GRID2: variants seen among roughly 807,000 people sequenced by gnomAD.
GRID2 encodes glutamate receptor ionotropic, delta-2.
GRID2 carries 33 observed loss-of-function variants against 114.8 expected under a neutral mutation model. That is an observed-to-expected ratio of 0.29 (90% CI 0.22 to 0.38). The LOEUF (loss-of-function observed/expected upper bound fraction) is 0.38, where lower values mean the gene tolerates loss of function less well. Ranked by LOEUF, GRID2 falls within the 10% of genes least tolerant of loss-of-function variation. The pLI, the probability that GRID2 is intolerant of heterozygous loss-of-function variation, is 1.00. For missense variants in GRID2, 1,184 were observed against 1,257.7 expected (o/e 0.94, Z 0.89); for synonymous variants, 505 against 449.9 (o/e 1.12, Z -1.55).
At chr4:93,683,504 T>C (rs537383479) in intron 14 of GRID2, among the ~76,000 whole-genome samples, 75 of 152,188 alleles carry the variant, frequency 4.9e-4, no homozygotes, top group African/African-American at 1.8e-3. Context: ...TTTCTTGAAA[T>C]TGGTGTTCTG....
At chr4:93,636,771 G>A (rs1413023010) in intron 14 of GRID2, among the ~76,000 whole-genome samples, 1 of 152,104 alleles carries the variant, frequency 6.6e-6, no homozygotes, top group African/African-American at 2.4e-5. Context: ...AGCACTGAGT[G>A]AGCCTTTGGC....
chr4:93,685,327 A>C (rs1181172927), intron 14 of GRID2, among the ~76,000 whole-genome samples: 6 of 152,020 alleles, frequency 3.9e-5, no homozygotes, highest in Non-Finnish European at 5.9e-5. Context: ...TTGTCTTATC[A>C]AAATCATGTG....
At chr4:92,757,709 A>C (rs982169083) in intron 2 of GRID2, among the ~76,000 whole-genome samples, 2 of 152,110 alleles carry the variant, frequency 1.3e-5, no homozygotes, top group Non-Finnish European at 2.9e-5. Flanking sequence ...GAGGAGGAAG[A>C]GTAAGGAAAT....
At chr4:93,381,048 T>TA (rs1040112785) in intron 8 of GRID2, among the ~76,000 whole-genome samples, 4 of 151,958 alleles carry the variant, frequency 2.6e-5, no homozygotes, top group African/African-American at 7.2e-5. Flanking sequence ...CCCCAGCCTT[T>TA]AAAAAAAATT....
intron 12 of GRID2, among the ~76,000 whole-genome samples, chr4:93,496,157 G>T (rs555980681): frequency 6.7e-6 from 1 of 149,668 alleles, no homozygotes; most frequent in Non-Finnish European, 1.5e-5. Flanking sequence ...GAGAAAATAG[G>T]AAAGTACAAA....
intron 2 of GRID2, among the ~76,000 whole-genome samples, chr4:92,726,665 C>T (rs1342057873): frequency 6.6e-6 from 1 of 151,996 alleles, no homozygotes; most frequent in Admixed American, 6.6e-5. Context: ...AATCACAAAG[C>T]AGTTTGTGAA....
intron 14 of GRID2, among the ~76,000 whole-genome samples, chr4:93,655,533 A>G (rs967795565): frequency 3.3e-5 from 5 of 152,166 alleles, no homozygotes; most frequent in Non-Finnish European, 5.9e-5. Context: ...ATAAAGTAAG[A>G]AAATTGTAAA....
intron 4 of GRID2, among the ~76,000 whole-genome samples, chr4:93,137,965 C>CGT (rs1276112414): frequency 8.9e-5 from 6 of 67,092 alleles, no homozygotes; most frequent in Non-Finnish European, 1.5e-4. Context: ...ATTTTTTCTT[C>CGT]GTTTTTTTTT....
At chr4:93,568,740 A>G (rs763120598) in intron 13 of GRID2, among the ~76,000 whole-genome samples, 7 of 152,108 alleles carry the variant, frequency 4.6e-5, no homozygotes, top group Non-Finnish European at 5.9e-5. Context: ...GTGCTTCACA[A>G]TTTTCATGTG....
chr4:92,695,181 G>A (rs999836108), intron 2 of GRID2, among the ~76,000 whole-genome samples: 3 of 152,010 alleles, frequency 2.0e-5, no homozygotes, highest in African/African-American at 7.3e-5. Context: ...GCCCCGTCTG[G>A]TCTCGAACTC....
chr4:92,545,400 G>T (rs1388414565), intron 1 of GRID2, among the ~76,000 whole-genome samples: 1 of 152,100 alleles, frequency 6.6e-6, no homozygotes, highest in Admixed American at 6.6e-5. Flanking sequence ...CTTGCTCAAG[G>T]TCATGTCTAA....
At chr4:92,580,816 T>C (rs2149202364) in intron 1 of GRID2, among the ~76,000 whole-genome samples, 1 of 151,854 alleles carries the variant, frequency 6.6e-6, no homozygotes, top group South Asian at 2.1e-4. Context: ...ATCTGTTCAA[T>C]TTCTAAAAAT....
chr4:93,146,379 T>G (rs1248668645), intron 4 of GRID2, among the ~76,000 whole-genome samples: 1 of 152,168 alleles, frequency 6.6e-6, no homozygotes, highest in East Asian at 1.9e-4. Flanking sequence ...ATTGAGTCAA[T>G]GATGAAAGCG....
intron 2 of GRID2, among the ~76,000 whole-genome samples, chr4:93,008,284 T>C (rs995211170): frequency 6.6e-6 from 1 of 152,026 alleles, no homozygotes; most frequent in Admixed American, 6.6e-5. Context: ...TACCATAAAT[T>C]TAGGAATCTG....
chr4:92,532,472 C>G (rs369154085), intron 1 of GRID2, among the ~76,000 whole-genome samples: 1 of 152,076 alleles, frequency 6.6e-6, no homozygotes, highest in Admixed American at 6.6e-5. Flanking sequence ...ATAAATGTAC[C>G]GGATATGTTC....
chr4:93,482,944 C>T (rs1726020424), intron 11 of GRID2, among the ~76,000 whole-genome samples: 1 of 151,860 alleles, frequency 6.6e-6, no homozygotes, highest in African/African-American at 2.4e-5. Context: ...CTTATTACCC[C>T]CACATCTTCT....
At chr4:92,372,246 A>G (rs1475250224) in intron 1 of GRID2, among the ~76,000 whole-genome samples, 1 of 152,202 alleles carries the variant, frequency 6.6e-6, no homozygotes, top group Non-Finnish European at 1.5e-5. Context: ...GGTTTAGAGC[A>G]TGGACTCCAA....
chr4:93,539,503 T>C (rs1732439880), intron 13 of GRID2, among the ~76,000 whole-genome samples: 1 of 152,044 alleles, frequency 6.6e-6, no homozygotes, highest in Admixed American at 6.6e-5. Flanking sequence ...TCACAAACTG[T>C]TCCTTCACCA....
At chr4:92,727,242 T>G (rs1327048090) in intron 2 of GRID2, among the ~76,000 whole-genome samples, 1 of 152,088 alleles carries the variant, frequency 6.6e-6, no homozygotes, top group African/African-American at 2.4e-5. Context: ...ATAAAAAGAC[T>G]TAATTTACAA....
Sources: allele counts gnomAD v4.1 joint callset (sites outside exome capture counted in the v4.1 genomes callset), GRCh38; gene constraint gnomAD v4.1.1; transcripts MANE v1.5; gene names NCBI Gene and HGNC (gene_info 2026-07-23, HGNC 2026-07-21).